Variants in ATXN2 observed in about 807,000 individuals in gnomAD.
ATXN2 encodes ataxin 2, also known as ataxin-2.
ATXN2 carries 37 observed loss-of-function variants against 138.6 expected under a neutral mutation model. The observed-to-expected ratio is 0.27, with a 90% CI of 0.21 to 0.35. ATXN2 has a LOEUF of 0.35. Among genes scored for constraint, ATXN2 ranks in the 10% least tolerant of loss-of-function variants. ATXN2 has a pLI of 1.00. For missense variants in ATXN2, 1,216 were observed against 1,480.3 expected, an observed-to-expected ratio of 0.82 and a Z score of 2.93; for synonymous variants, 549 against 543.7, an observed-to-expected ratio of 1.01 and a Z score of -0.13.
chr12:111,552,024 C>T lies in ATXN2; in HGVS notation c.571+256G>A, dbSNP rs1882150352. Among the ~76,000 whole-genome samples, 2 of 151,862 alleles carry T rather than the reference C, an allele frequency of 1.3e-5. No homozygotes were observed. The highest frequency in any genetic ancestry group is 1.3e-4 in the Admixed American group (2 of 15,248). On this transcript the variant is annotated intron_variant, in intron 5 of 24. Coordinates refer to ENST00000673436, the MANE Select transcript of ATXN2 (RefSeq NM_001372574.1). The surrounding 1 kb of genome is among the most constrained non-coding windows in gnomAD (Gnocchi z 4.1). ...TCCCTAGTAGCTAGGACTATAGGCG[C>T]ACGCCACCACACACAAAAATAAATT...
At chr12:111,454,023 T>C (rs1874877874) in intron 23 of ATXN2, 178 bp from the exon 24 acceptor site, 2 of 630,420 alleles carry the variant, frequency 3.2e-6, no homozygotes, top group Non-Finnish European at 5.3e-6. Flanking sequence ...AAGACGCGCT[T>C]CACCTTTGGG....
At chr12:111,513,732 G>T (rs1592851169) in intron 10 of ATXN2, among the ~76,000 whole-genome samples, 193 bp from the exon 11 acceptor site, 1 of 147,948 alleles carries the variant, frequency 6.8e-6, no homozygotes, top group Admixed American at 6.7e-5. Context: ...GAATTATTTT[G>T]TGGAATGCCA....
At chr12:111,590,762 C>T (rs1019953480) in intron 1 of ATXN2, among the ~76,000 whole-genome samples, 6 of 152,048 alleles carry the variant, frequency 3.9e-5, no homozygotes, top group Non-Finnish European at 5.9e-5. Context: ...CTGAGCCCCA[C>T]CTGTTAGATC....
At chr12:111,535,999 CAAAAAAA>C (rs766582583) in intron 5 of ATXN2, among the ~76,000 whole-genome samples, 1 of 65,812 alleles carries the variant, frequency 1.5e-5, no homozygotes, top group Admixed American at 1.8e-4. Flanking sequence ...GACTCCGTCT[CAAAAAAA>C]AAAAAAAAAA....
intron 18 of ATXN2, among the ~76,000 whole-genome samples, chr12:111,481,045 C>T (rs975767994): frequency 1.3e-5 from 2 of 152,182 alleles, no homozygotes; most frequent in Non-Finnish European, 2.9e-5. Flanking sequence ...CATGGTGGTT[C>T]GCGTCTAAAA....
rs1874822021 is a variant in ATXN2, at chr12:111,453,429, G to A, written c.3439+248C>T. On this transcript the variant is annotated intron_variant, in intron 24 of 24. Transcript: ENST00000673436. This position sits in a 1 kb window ranked among gnomAD's most constrained non-coding sequence, Gnocchi z 5.4. ...AGTCCTAGGCATGCATCAGGCTGCTGTTGCTGCTGCTGCTGCTTCTCATCA... is the reference window on the plus strand; with the variant it reads ...AGTCCTAGGCATGCATCAGGCTGCTATTGCTGCTGCTGCTGCTTCTCATCA... 3 of 1,247,258 alleles carry A rather than the reference G, an allele frequency of 2.4e-6. No individual in the cohort carries two copies. Among genetic ancestry groups the A allele is most frequent in the African/African-American group, 1.6e-5 (1 of 64,278 alleles). The allele number at this position is 1,247,258 out of a possible 1,614,324, so 77.3% of individuals were successfully genotyped here.
intron 21 of ATXN2, 97 bp from the exon 22 acceptor site, chr12:111,457,456 A>G (rs1373308661): frequency 1.4e-6 from 2 of 1,385,460 alleles, no homozygotes; most frequent in African/African-American, 2.9e-5. Context: ...GATGGTTACA[A>G]TGCATAACTC....
chr12:111,527,659 G>C (rs1309963182), intron 5 of ATXN2, among the ~76,000 whole-genome samples: 3 of 152,200 alleles, frequency 2.0e-5, no homozygotes, highest in African/African-American at 7.2e-5. Flanking sequence ...AGAGCCAAGA[G>C]TGTGCTGAGG....
chr12:111,552,198 A>G lies in ATXN2; in HGVS notation c.571+82T>C. 7.0e-7 allele frequency: 1 copy of G among 1,428,072 alleles called. No individual in the cohort carries two copies. The highest frequency in any genetic ancestry group is 9.3e-7 in the Non-Finnish European group (1 of 1,069,980). 88.5% of individuals were successfully genotyped at this position (1,428,072 alleles called of 1,614,324 possible). A position where few individuals can be genotyped will look rare whatever the true frequency, so the allele number is the denominator to read the frequency against. The stretch of plus-strand genomic sequence containing the variant: ...ACCCAGCCCAGATATTTCTTTAAAA[A>G]AAGTTTGTAAGATCACTGTGAAAAT... On this transcript the variant is annotated intron_variant, in intron 5 of 24. Transcript: ENST00000673436. The surrounding 1 kb of genome is among the most constrained non-coding windows in gnomAD (Gnocchi z 4.1).
At chr12:111,528,613 G>A (rs1044001126) in intron 5 of ATXN2, among the ~76,000 whole-genome samples, 3 of 152,216 alleles carry the variant, frequency 2.0e-5, no homozygotes, top group African/African-American at 4.8e-5. Context: ...GCAGTCTGTC[G>A]CTTTCGAGAC....
Position 111,452,762 on chromosome 12 carries a change from G to A in ATXN2, c.*50C>T. 1.3e-6 allele frequency: 2 copies of A among 1,549,894 alleles called. No individual in the cohort carries two copies. Among genetic ancestry groups the A allele is most frequent in the Non-Finnish European group, 8.9e-7 (1 of 1,121,766 alleles). On this transcript the variant is annotated 3_prime_UTR_variant, in exon 25 of 25. Transcript: ENST00000673436. ...TTTTCTGTGCTTCCAGTTGGTAGAAGCAGTAGAAGGGAGGAGGGAATTTGG... is the reference window on the plus strand; with the variant it reads ...TTTTCTGTGCTTCCAGTTGGTAGAAACAGTAGAAGGGAGGAGGGAATTTGG...
intron 14 of ATXN2, among the ~76,000 whole-genome samples, chr12:111,505,199 A>G (rs1345390389): frequency 6.6e-6 from 1 of 152,070 alleles, no homozygotes; most frequent in Non-Finnish European, 1.5e-5. Context: ...AAAGAGCGAG[A>G]TTCTGTGTCA....
chr12:111,456,022 G>T lies in ATXN2; in HGVS notation c.3270+7C>A. 1 of 1,613,488 alleles carries T rather than the reference G, an allele frequency of 6.2e-7. No homozygotes were observed. The highest frequency in any genetic ancestry group is 8.5e-7 in the Non-Finnish European group (1 of 1,179,374). On this transcript the variant is annotated splice_region_variant and intron_variant, in intron 23 of 24. Coordinates refer to ENST00000673436, the MANE Select transcript of ATXN2 (RefSeq NM_001372574.1). ...CTTCACAGAAAGTTGGCTAAAGCTG[G>T]TATTACCTGAGGTACGTGGGCCATG...
intron 23 of ATXN2, chr12:111,454,805 G>C (rs1874939855): frequency 4.0e-6 from 2 of 497,692 alleles, no homozygotes; most frequent in Non-Finnish European, 7.3e-6. Context: ...TGAGGTTTTA[G>C]GGATCCCTGA....
intron 18 of ATXN2, among the ~76,000 whole-genome samples, chr12:111,474,993 C>G (rs1876689809): frequency 6.6e-6 from 1 of 152,212 alleles, no homozygotes; most frequent in African/African-American, 2.4e-5. Flanking sequence ...GCGGGCGGAT[C>G]ACGAGGTCAG....
intron 10 of ATXN2, 129 bp from the exon 11 acceptor site, chr12:111,513,668 AATAG>A: frequency 1.3e-6 from 1 of 784,638 alleles, no homozygotes; most frequent in Admixed American, 4.3e-5. Context: ...CTTGGTTAAA[AATAG>A]AAAAAAAAAA....
In ATXN2 at chr12:111,469,190, C is replaced by T. The variant is rs1019306287; in HGVS notation, c.2842+918G>A. 2.0e-5 allele frequency: 3 copies of T among 152,056 alleles called. No homozygotes were observed. In the South Asian group the frequency reaches 6.2e-4, roughly 32 times the overall value. The allele number at this position is 152,056 out of a possible 1,614,324, so 9.4% of individuals were successfully genotyped here. On this transcript the variant is annotated intron_variant, in intron 20 of 24. Coordinates refer to ENST00000673436, the MANE Select transcript of ATXN2 (RefSeq NM_001372574.1). Reference sequence around the variant, plus strand: ...TACACTTTTCAACTGTATGAATAAACCAAAATTATCCCCTACTCCAAACAA... The same window carrying T: ...TACACTTTTCAACTGTATGAATAAATCAAAATTATCCCCTACTCCAAACAA...
chr12:111,598,488 G>A lies in ATXN2; in HGVS notation c.251+296C>T. The A allele has an allele frequency of 1.0e-6, 1 of 984,864 alleles. No individual in the cohort carries two copies. The allele number at this position is 984,864 out of a possible 1,614,324, so 61.0% of individuals were successfully genotyped here. On this transcript the variant is annotated intron_variant, in intron 1 of 24. Coordinates refer to ENST00000673436, the MANE Select transcript of ATXN2 (RefSeq NM_001372574.1). This position sits in a 1 kb window ranked among gnomAD's most constrained non-coding sequence, Gnocchi z 4.5. The stretch of plus-strand genomic sequence containing the variant: ...CCGGGGCTGACCATCGCCGCTACCC[G>A]AGAACCCCTCCCAACACGCGTGGGG...
intron 6 of ATXN2, among the ~76,000 whole-genome samples, chr12:111,522,516 A>G (rs1880229087): frequency 6.6e-6 from 1 of 151,936 alleles, no homozygotes; most frequent in African/African-American, 2.4e-5. Context: ...AGGCTAGGGC[A>G]GGAGAATGGT....
Sources: allele counts gnomAD v4.1 joint callset (sites outside exome capture counted in the v4.1 genomes callset), GRCh38; gene constraint gnomAD v4.1.1; non-coding constraint Gnocchi (gnomAD v3.1); transcripts MANE v1.5; gene names NCBI Gene and HGNC (gene_info 2026-07-23, HGNC 2026-07-21).